The following FHIT variants were observed in gnomAD, a reference collection of about 807,000 sequenced individuals.
FHIT encodes the protein fragile histidine triad diadenosine triphosphatase, also known as bis(5'-adenosyl)-triphosphatase.
FHIT carries 19 observed loss-of-function variants against 17.9 expected under a neutral mutation model. The observed-to-expected ratio is 1.06, with a 90% CI of 0.74 to 1.56. FHIT has a LOEUF of 1.56. Ranked by LOEUF, FHIT falls within the 40% of genes most tolerant of loss-of-function variation. FHIT has a pLI of 0.00. For synonymous variants in FHIT, 81 were observed against 69.7 expected, an observed-to-expected ratio of 1.16 and a Z score of -0.81; for missense variants, 248 against 189.2, an observed-to-expected ratio of 1.31 and a Z score of -1.82.
chr3:59,787,607 C>T (rs915849020), intron 8 of FHIT, among the ~76,000 whole-genome samples: 10 of 152,014 alleles, frequency 6.6e-5, no homozygotes, highest in African/African-American at 2.2e-4. Context: ...AATTCATTCA[C>T]GGATCTCTTG....
At chr3:60,336,245 A>G (rs1710234298) in intron 5 of FHIT, among the ~76,000 whole-genome samples, 1 of 152,244 alleles carries the variant, frequency 6.6e-6, no homozygotes, top group Non-Finnish European at 1.5e-5. Context: ...TGGCAAATAC[A>G]AAGCACTCAC....
At chr3:60,126,206 T>C (rs1705542033) in intron 5 of FHIT, among the ~76,000 whole-genome samples, 1 of 152,174 alleles carries the variant, frequency 6.6e-6, no homozygotes, top group Admixed American at 6.5e-5. Context: ...TGTGTTGCAG[T>C]ACCACTCCCT....
chr3:60,943,934 C>T (rs1553775136), intron 3 of FHIT, among the ~76,000 whole-genome samples: 1 of 152,132 alleles, frequency 6.6e-6, no homozygotes, highest in Non-Finnish European at 1.5e-5. Context: ...TCCAATGTTG[C>T]TGTACTTTCC....
chr3:59,971,730 C>T (rs1708193260), intron 7 of FHIT, among the ~76,000 whole-genome samples: 1 of 152,114 alleles, frequency 6.6e-6, no homozygotes, highest in Admixed American at 6.5e-5. Context: ...GTCCAGGTTG[C>T]CCCATTCACT....
intron 5 of FHIT, among the ~76,000 whole-genome samples, chr3:60,097,289 G>T (rs147764203): frequency 2.6e-5 from 4 of 152,208 alleles, no homozygotes; most frequent in South Asian, 2.1e-4. Context: ...ATAGTAGGAA[G>T]GGGGAGCTTT....
intron 3 of FHIT, among the ~76,000 whole-genome samples, chr3:61,023,057 CTGTT>C (rs1270774730): frequency 1.3e-5 from 2 of 152,186 alleles, no homozygotes; most frequent in East Asian, 1.9e-4. Context: ...CAAATTGTCT[CTGTT>C]TGCAGATGAA....
At chr3:61,056,506 A>G (rs2106676753) in intron 2 of FHIT, among the ~76,000 whole-genome samples, 1 of 152,314 alleles carries the variant, frequency 6.6e-6, no homozygotes, top group South Asian at 2.1e-4. Context: ...AACAGGGCAG[A>G]GTAAGAAGCG....
chr3:60,980,102 C>T (rs1710431869), intron 3 of FHIT, among the ~76,000 whole-genome samples: 1 of 152,228 alleles, frequency 6.6e-6, no homozygotes, highest in African/African-American at 2.4e-5. Flanking sequence ...CACTGAGCGT[C>T]TTCCTTATCC....
rs368259236 is a variant in FHIT at position 60,614,684 on chromosome 3, A to C, written c.-17-77705T>G. ...GTATTCTATTTGGACATTACAGTGG[A>C]TTGACAGCATAGAAATTATTTATTA... On this transcript the variant is annotated intron_variant, in intron 4 of 9. Coordinates refer to ENST00000492590, the MANE Select transcript of FHIT (RefSeq NM_002012.4). Among the ~76,000 whole-genome samples the C allele has an allele frequency of 3.9e-5, 6 of 152,236 alleles. No individual in the cohort carries two copies. The South Asian group carries it at 6.2e-4, about 16-fold the overall frequency.
rs183116241 is a variant in FHIT at position 59,853,094 on chromosome 3, G to A, written c.348+69252C>T. On this transcript the variant is annotated intron_variant, in intron 8 of 9. Coordinates refer to ENST00000492590, the MANE Select transcript of FHIT (RefSeq NM_002012.4). ...AGAGCATGTAGTTTTGTAAGAAATC[G>A]CCAAACTGTATTCCAAAGAGGCTGT... 1.3e-3 allele frequency among the ~76,000 whole-genome samples: 198 copies of A among 152,222 alleles called. 3 individuals carry two copies. Among genetic ancestry groups the A allele is most frequent in the Admixed American group, 0.012 (186 of 15,290 alleles).
intron 5 of FHIT, among the ~76,000 whole-genome samples, chr3:60,307,373 A>G (rs1237760355): frequency 6.6e-6 from 1 of 152,188 alleles, no homozygotes; most frequent in East Asian, 1.9e-4. Flanking sequence ...GTAATACTTC[A>G]TCTGCCCGAA....
At chr3:60,696,477 T>C (rs1553700677) in intron 4 of FHIT, among the ~76,000 whole-genome samples, 5 of 152,210 alleles carry the variant, frequency 3.3e-5, no homozygotes, top group African/African-American at 1.2e-4. Context: ...GCCTATTTCC[T>C]AGAACATCCA....
chr3:60,860,240 G>GGTATACATGAGATACATCATAT lies in FHIT; in HGVS notation c.-110-38251_-110-38230dup, dbSNP rs1559778369. ...CATGAGATACATCATATGTATATAT[G>GGTATACATGAGATACATCATAT]GTATACATGAGATACATCATATGTA... On this transcript the variant is annotated intron_variant, in intron 3 of 9. Coordinates refer to ENST00000492590, the MANE Select transcript of FHIT (RefSeq NM_002012.4). Among the ~76,000 whole-genome samples the GGTATACATGAGATACATCATAT allele has an allele frequency of 1.1e-3, 85 of 76,770 alleles. 18 individuals carry two copies. The highest frequency in any genetic ancestry group is 1.4e-3 in the Non-Finnish European group (48 of 34,426). 50.4% of individuals were successfully genotyped at this position (76,770 alleles called of 152,430 possible).
At chr3:59,968,673 C>T (rs1708042789) in intron 7 of FHIT, among the ~76,000 whole-genome samples, 1 of 152,096 alleles carries the variant, frequency 6.6e-6, no homozygotes, top group East Asian at 1.9e-4. Flanking sequence ...TCCATTACTC[C>T]CCATTAAGTC....
At chr3:59,828,310 T>A (rs905008744) in intron 8 of FHIT, among the ~76,000 whole-genome samples, 1 of 152,188 alleles carries the variant, frequency 6.6e-6, no homozygotes, top group African/African-American at 2.4e-5. Context: ...GAAGACATTT[T>A]CCCCTTGGCA....
chr3:60,170,669 C>T (rs528264791), intron 5 of FHIT, among the ~76,000 whole-genome samples: 1 of 152,146 alleles, frequency 6.6e-6, no homozygotes, highest in South Asian at 2.1e-4. Context: ...AAAATCAAAG[C>T]AGGTTTCTCC....
chr3:60,218,526 TAAC>T (rs1703805032), intron 5 of FHIT, among the ~76,000 whole-genome samples: 1 of 152,132 alleles, frequency 6.6e-6, no homozygotes, highest in South Asian at 2.1e-4. Context: ...TTATCTTTAA[TAAC>T]AAACACATAT....
chr3:59,798,856 T>C (rs1372336860), intron 8 of FHIT, among the ~76,000 whole-genome samples: 1 of 152,206 alleles, frequency 6.6e-6, no homozygotes, highest in Non-Finnish European at 1.5e-5. Context: ...TAACAAACAC[T>C]GTGGCTGGCA....
chr3:60,583,950 A>T (rs1330043150), intron 4 of FHIT, among the ~76,000 whole-genome samples: 3 of 152,074 alleles, frequency 2.0e-5, no homozygotes, highest in Admixed American at 6.6e-5. Flanking sequence ...CTTCTTGGGG[A>T]AATATTACAG....
Sources: gnomAD v4.1 joint callset for allele counts (sites outside exome capture counted in the v4.1 genomes callset) on GRCh38, gnomAD v4.1.1 for gene constraint, MANE v1.5 for transcripts, NCBI Gene and HGNC (gene_info 2026-07-23, HGNC 2026-07-21) for gene names.